LAMA4: variants seen among roughly 807,000 people sequenced by gnomAD.
LAMA4 encodes laminin subunit alpha 4.
LAMA4 carries 127 observed loss-of-function variants against 207.1 expected under a neutral mutation model. The observed-to-expected ratio is 0.61, with a 90% CI of 0.53 to 0.71. LAMA4 has a LOEUF of 0.71. LAMA4 is among the 30% of genes least tolerant of loss of function. LAMA4 has a pLI of 0.00. For missense variants in LAMA4, 2,093 were observed against 2,246.5 expected (o/e 0.93, Z 1.38); for synonymous variants, 761 against 816.0 (o/e 0.93, Z 1.15).
chr6:112,150,268 G>A (rs1182529134), intron 17 of LAMA4, among the ~76,000 whole-genome samples: 1 of 150,606 alleles, frequency 6.6e-6, no homozygotes, highest in Admixed American at 6.6e-5. Flanking sequence ...CAGAGGCAAT[G>A]CTGGAAAAAA....
At chr6:112,157,782 A>T (rs1247549924) in intron 14 of LAMA4, 2 of 152,162 alleles carry the variant, frequency 1.3e-5, no homozygotes, top group East Asian at 3.8e-4. Context: ...TGTTTTTTCT[A>T]AGCTCCATTT....
chr6:112,166,443 T>C (rs561797283), intron 12 of LAMA4: 24 of 152,352 alleles, frequency 1.6e-4, no homozygotes, highest in Admixed American at 1.3e-3. Flanking sequence ...TACTGTAAAA[T>C]ATGTGTATTA....
At chr6:112,251,379 A>C (rs896894800) in intron 2 of LAMA4, 7 of 152,282 alleles carry the variant, frequency 4.6e-5, no homozygotes, top group Admixed American at 1.3e-4. Flanking sequence ...TGAAGAGCTT[A>C]GGAGAACCTC....
At chr6:112,238,026 C>T (rs1404467129) in intron 2 of LAMA4, among the ~76,000 whole-genome samples, 1 of 152,182 alleles carries the variant, frequency 6.6e-6, no homozygotes, top group Admixed American at 6.5e-5. Context: ...GACTACTTCC[C>T]TTTCCAGAAG....
intron 3 of LAMA4, among the ~76,000 whole-genome samples, chr6:112,207,754 A>G (rs923316731): frequency 6.6e-6 from 1 of 152,102 alleles, no homozygotes; most frequent in East Asian, 1.9e-4. Flanking sequence ...AGTAAAGATT[A>G]TAGGAGTAAA....
chr6:112,132,197 C>A (rs926412726), intron 28 of LAMA4, among the ~76,000 whole-genome samples: 2 of 152,112 alleles, frequency 1.3e-5, no homozygotes, highest in Admixed American at 6.6e-5. Context: ...CAAAGGAAAC[C>A]AATCATACTG....
At chr6:112,181,844 AT>A (rs1782378270) in intron 9 of LAMA4, among the ~76,000 whole-genome samples, 1 of 152,128 alleles carries the variant, frequency 6.6e-6, no homozygotes, top group Non-Finnish European at 1.5e-5. Context: ...CACGCCTGTA[AT>A]TCCAGCACTT....
intron 38 of LAMA4, among the ~76,000 whole-genome samples, chr6:112,111,495 A>C (rs1777693285): frequency 6.6e-6 from 1 of 152,196 alleles, no homozygotes; most frequent in Non-Finnish European, 1.5e-5. Flanking sequence ...TTCTTGGAGA[A>C]TTCAGTGCAT....
intron 16 of LAMA4, among the ~76,000 whole-genome samples, chr6:112,154,318 T>C (rs1027519149): frequency 1.1e-4 from 16 of 147,660 alleles, no homozygotes; most frequent in African/African-American, 3.8e-4. Flanking sequence ...GCTTGTTAGG[T>C]CTGTCCTAAA....
At chr6:112,186,914 G>A (rs1782718756) in intron 8 of LAMA4, 1 of 455,154 alleles carries the variant, frequency 2.2e-6, no homozygotes, top group Admixed American at 2.4e-5. Context: ...AGAGCTATGA[G>A]GAGAAACAAG....
intron 2 of LAMA4, among the ~76,000 whole-genome samples, chr6:112,226,999 G>A (rs1785250521): frequency 6.6e-6 from 1 of 151,984 alleles, no homozygotes; most frequent in Middle Eastern, 3.2e-3. Context: ...AAGGGTAAAG[G>A]AGTGGGGATG....
intron 3 of LAMA4, among the ~76,000 whole-genome samples, chr6:112,208,171 G>GTTAGAA (rs3216222): frequency 0.1 from 15,653 of 152,090 alleles, 1,058 homozygotes; most frequent in African/African-American, 0.18. Context: ...AAATTATACT[G>GTTAGAA]TTAGAATGTC....
intron 3 of LAMA4, chr6:112,214,080 C>T (rs187018130): frequency 1.8e-5 from 13 of 742,232 alleles, no homozygotes; most frequent in African/African-American, 8.6e-5. Flanking sequence ...TCTGGGATAG[C>T]GGCACCAAAG....
chr6:112,145,988 CAT>C (rs1554334446), intron 18 of LAMA4, among the ~76,000 whole-genome samples: 3 of 151,990 alleles, frequency 2.0e-5, no homozygotes, highest in South Asian at 2.1e-4. Context: ...GTTTTCTAAA[CAT>C]AGAAAAGAGC....
At chr6:112,215,936 A>T (rs1310358546) in intron 3 of LAMA4, among the ~76,000 whole-genome samples, 2 of 152,194 alleles carry the variant, frequency 1.3e-5, no homozygotes, top group Non-Finnish European at 2.9e-5. Context: ...ACTAATTTTG[A>T]TCTATAGACC....
intron 16 of LAMA4, among the ~76,000 whole-genome samples, chr6:112,154,357 C>CAAAA (rs55988988): frequency 1.4e-4 from 17 of 120,196 alleles, no homozygotes; most frequent in African/African-American, 1.8e-4. Flanking sequence ...ACACAAACTA[C>CAAAA]AAAAAAAAAA....
At chr6:112,253,170 T>C (rs1310920667) in intron 2 of LAMA4, among the ~76,000 whole-genome samples, 3 of 152,164 alleles carry the variant, frequency 2.0e-5, no homozygotes, top group African/African-American at 7.2e-5. Flanking sequence ...TGACTTTATT[T>C]TCCTCCCTCT....
At chr6:112,179,237 T>A (rs1294718757) in intron 9 of LAMA4, 4 of 152,210 alleles carry the variant, frequency 2.6e-5, no homozygotes, top group African/African-American at 4.8e-5. Flanking sequence ...ATGTGGCCTC[T>A]GAAGAAAGGG....
chr6:112,217,737 T>C (rs1217945376), intron 2 of LAMA4: 2 of 152,196 alleles, frequency 1.3e-5, no homozygotes, highest in Admixed American at 6.5e-5. Context: ...AAATTCCACA[T>C]TTCCAAGTTA....
Sources: allele counts gnomAD v4.1 joint callset (sites outside exome capture counted in the v4.1 genomes callset), GRCh38; gene constraint gnomAD v4.1.1; transcripts MANE v1.5; gene names NCBI Gene and HGNC (gene_info 2026-07-23, HGNC 2026-07-21).